The following TENT2 variants were observed in gnomAD, a reference collection of about 807,000 sequenced individuals.
TENT2 encodes the protein terminal nucleotidyltransferase 2, also known as poly(A) RNA polymerase GLD2.
In TENT2, 44 loss-of-function variants were observed where a neutral mutation model predicts 72.2. That is an observed-to-expected ratio of 0.61 (90% CI 0.48 to 0.78). The LOEUF (loss-of-function observed/expected upper bound fraction) is 0.78, where lower values mean the gene tolerates loss of function less well. TENT2 is among the 30% of genes least tolerant of loss of function. TENT2 has a pLI of 0.00. For synonymous variants in TENT2, 212 were observed against 192.5 expected, an observed-to-expected ratio of 1.10 and a Z score of -0.84; for missense variants, 541 against 569.6, an observed-to-expected ratio of 0.95 and a Z score of 0.51.
At chr5:79,665,109 A>G (rs747485723) in intron 11 of TENT2, among the ~76,000 whole-genome samples, 1 of 152,220 alleles carries the variant, frequency 6.6e-6, no homozygotes, top group Non-Finnish European at 1.5e-5. Context: ...TGCAATTCAG[A>G]TATCTTTGCA....
At chr5:79,659,896 A>G (rs1042087952) in intron 11 of TENT2, among the ~76,000 whole-genome samples, 23 of 151,914 alleles carry the variant, frequency 1.5e-4, no homozygotes, top group African/African-American at 5.6e-4. Flanking sequence ...CTTTAAGGGC[A>G]GCAGTTACGG....
intron 1 of TENT2, among the ~76,000 whole-genome samples, chr5:79,618,412 T>C (rs75612807): frequency 0.057 from 8,651 of 151,856 alleles, 341 homozygotes; most frequent in Middle Eastern, 0.082. Context: ...ATTTTTTTTT[T>C]TTATAGAGAC....
chr5:79,651,094 A>G (rs1467652429), intron 10 of TENT2, among the ~76,000 whole-genome samples: 2 of 152,026 alleles, frequency 1.3e-5, no homozygotes, highest in African/African-American at 2.4e-5. Context: ...AGTGGACAGA[A>G]AAAAAATACA....
intron 4 of TENT2, among the ~76,000 whole-genome samples, chr5:79,630,654 T>C (rs1364584411): frequency 6.6e-6 from 1 of 151,920 alleles, no homozygotes; most frequent in Admixed American, 6.6e-5. Flanking sequence ...GAAAGGAGAA[T>C]GGAGTGTACA....
intron 4 of TENT2, among the ~76,000 whole-genome samples, chr5:79,635,938 C>G (rs1008396884): frequency 3.3e-5 from 5 of 152,190 alleles, no homozygotes; most frequent in African/African-American, 1.2e-4. Context: ...GCCTGATTCT[C>G]TACATCAGGG....
rs765736946 is a variant in TENT2 at position 79,623,485 on chromosome 5, A to T, written c.461A>T (p.Asp154Val). Residue 154 changes from aspartate (D) to valine (V), a missense_variant, in exon 4 of 15, where the codon GAT becomes GTT. Physicochemically the swap from Asp to Val is radical, Grantham distance 152. Transcript: ENST00000453514. ...PREITLPEAKDKLSQQILELF... is the reference protein window; with the variant it reads ...PREITLPEAKVKLSQQILELF... ...GAAATCACACTGCCTGAGGCCAAAG[A>T]TAAGGTAATAATAATGTAGATTTTA... The T allele has an allele frequency of 6.3e-6, 10 of 1,589,458 alleles. No homozygotes were observed. The South Asian group carries it at 1.0e-4, about 16-fold the overall frequency.
At chr5:79,681,740 T>A (rs1049582472) in intron 13 of TENT2, 1 of 357,470 alleles carries the variant, frequency 2.8e-6, no homozygotes, top group Middle Eastern at 8.2e-4. Context: ...AACACACCTA[T>A]GCTGATGACT....
Position 79,685,448 on chromosome 5 carries a change from C to T in TENT2, c.*175C>T. ...TTATTATGACATTTCCTAATAAACC[C>T]CTTTGATTTAAAAATGTATTTTTAA... On this transcript the variant is annotated 3_prime_UTR_variant, in exon 15 of 15. Transcript: ENST00000453514. 1 of 431,134 alleles carries T rather than the reference C, an allele frequency of 2.3e-6. No homozygotes were observed. The highest frequency in any genetic ancestry group is 4.0e-6 in the Non-Finnish European group (1 of 249,512). The allele number at this position is 431,134 out of a possible 1,614,324, so 26.7% of individuals were successfully genotyped here. A position where few individuals can be genotyped will look rare whatever the true frequency, so the allele number is the denominator to read the frequency against.
Position 79,656,959 on chromosome 5 carries a change from C to T in TENT2, c.1029C>T (p.Thr343=), listed in dbSNP as rs1798389079. ...LVLMVLHYLQ[T]LPEPILPSLQ... is the part of the protein sequence containing the mutation. ...GCTTTAAACTTTTTCTTTTTATAGCCCTACCTGAACCCATCCTTCCATCCC... is the reference window on the plus strand; with the variant it reads ...GCTTTAAACTTTTTCTTTTTATAGCTCTACCTGAACCCATCCTTCCATCCC... The change falls in exon 11 of 15, where the codon ACC becomes ACT. Residue 343 remains threonine, a splice_region_variant and synonymous_variant. Coordinates refer to ENST00000453514, the MANE Select transcript of TENT2 (RefSeq NM_001114394.3). The T allele has an allele frequency of 2.5e-6, 4 of 1,602,818 alleles. No individual in the cohort carries two copies. The highest frequency in any genetic ancestry group is 1.3e-5 in the African/African-American group (1 of 74,524).
At chr5:79,625,193 A>G (rs1475864300) in intron 4 of TENT2, among the ~76,000 whole-genome samples, 1 of 152,172 alleles carries the variant, frequency 6.6e-6, no homozygotes, top group Non-Finnish European at 1.5e-5. Flanking sequence ...ACATTTGTAT[A>G]TCTTCTTGGG....
chr5:79,683,212 G>T (rs1301828335), intron 14 of TENT2, among the ~76,000 whole-genome samples: 4 of 151,980 alleles, frequency 2.6e-5, no homozygotes, highest in Non-Finnish European at 5.9e-5. Context: ...CAAACACTTT[G>T]TGAGGCCAAG....
At chr5:79,649,348 C>T (rs7712162) in intron 10 of TENT2, among the ~76,000 whole-genome samples, 158 bp downstream of exon 10, 48,436 of 150,622 alleles carry the variant, frequency 0.32, 10,528 homozygotes, top group African/African-American at 0.62. Flanking sequence ...ACAAATGTTT[C>T]AGAAGTGTTA....
intron 4 of TENT2, among the ~76,000 whole-genome samples, chr5:79,637,323 A>G (rs1043870574): frequency 1.3e-5 from 2 of 152,004 alleles, no homozygotes; most frequent in Non-Finnish European, 2.9e-5. Context: ...TTATTTCTTC[A>G]ATTTTTTTTC....
chr5:79,621,772 A>C lies in TENT2; in HGVS notation c.228-1480A>C, dbSNP rs1050798888. Among the ~76,000 whole-genome samples, 7 of 128,936 alleles carry C rather than the reference A, an allele frequency of 5.4e-5. No homozygotes were observed. The East Asian group carries it at 1.5e-3, about 27-fold the overall frequency. The allele number at this position is 128,936 out of a possible 152,430, so 84.6% of individuals were successfully genotyped here. A position where few individuals can be genotyped will look rare whatever the true frequency, so the allele number is the denominator to read the frequency against. ...GACTCTATCTCAAAAAAAAAAAAAA[A>C]CAAAAAAAACAAAACTCCATTAATT... On this transcript the variant is annotated intron_variant, in intron 3 of 14. Coordinates refer to ENST00000453514, the MANE Select transcript of TENT2 (RefSeq NM_001114394.3).
At chr5:79,684,358 A>G (rs1366045106) in intron 14 of TENT2, among the ~76,000 whole-genome samples, 5 of 152,264 alleles carry the variant, frequency 3.3e-5, no homozygotes, top group South Asian at 2.1e-4. Flanking sequence ...CCTGCGCTCA[A>G]TGATCCTCCC....
intron 6 of TENT2, among the ~76,000 whole-genome samples, chr5:79,641,542 A>G (rs576614293): frequency 6.6e-6 from 1 of 151,396 alleles, no homozygotes; most frequent in East Asian, 1.9e-4. Context: ...TATCTTCTTG[A>G]TGTATTTCCT....
rs373723040 is a variant in TENT2 at position 79,682,068 on chromosome 5, A to C, written c.1380+7A>C. On this transcript the variant is annotated splice_region_variant and intron_variant, in intron 14 of 14. Coordinates refer to ENST00000453514, the MANE Select transcript of TENT2 (RefSeq NM_001114394.3). ...CAAGGATCAATTTTTAAAGGTAAAC[A>C]ATGCATTAGATCAACCCTAGAAACA... 1 of 1,600,876 alleles carries C rather than the reference A, an allele frequency of 6.2e-7. No individual in the cohort carries two copies. Among genetic ancestry groups the C allele is most frequent in the Non-Finnish European group, 8.6e-7 (1 of 1,169,032 alleles).
chr5:79,640,457 C>T (rs78834706), intron 4 of TENT2, among the ~76,000 whole-genome samples: 2,076 of 152,178 alleles, frequency 0.014, 57 homozygotes, highest in African/African-American at 0.047. Flanking sequence ...ATACTTCAGG[C>T]TTTGCCACTC....
intron 11 of TENT2, among the ~76,000 whole-genome samples, chr5:79,662,047 C>T (rs1048724474): frequency 6.6e-6 from 1 of 152,156 alleles, no homozygotes; most frequent in African/African-American, 2.4e-5. Context: ...CCAAGCAGTA[C>T]TGGTATTTTG....
Sources: allele counts gnomAD v4.1 joint callset (sites outside exome capture counted in the v4.1 genomes callset), GRCh38; gene constraint gnomAD v4.1.1; transcripts MANE v1.5; gene names NCBI Gene and HGNC (gene_info 2026-07-23, HGNC 2026-07-21).